Variants in DPY19L3 observed in about 807,000 individuals in gnomAD.
DPY19L3 encodes the protein dpy-19 like C-mannosyltransferase 3.
DPY19L3 carries 51 observed loss-of-function variants against 92.3 expected under a neutral mutation model. The observed-to-expected ratio is 0.55, with a 90% confidence interval of 0.44 to 0.70. DPY19L3 has a LOEUF of 0.70. Ranked by LOEUF, DPY19L3 falls within the 30% of genes least tolerant of loss-of-function variation. DPY19L3 has a pLI of 0.00. For missense variants in DPY19L3, 706 were observed against 855.9 expected (o/e 0.82, Z 2.18); for synonymous variants, 309 against 315.2 (o/e 0.98, Z 0.21).
intron 8 of DPY19L3, among the ~76,000 whole-genome samples, chr19:32,447,787 A>G (rs1969555422): frequency 7.3e-6 from 1 of 136,142 alleles, no homozygotes; most frequent in Admixed American, 7.3e-5. Context: ...ATTAGATAAG[A>G]TACTCCATCT....
rs1324884338 is a variant in DPY19L3 at position 32,419,992 on chromosome 19, T to C, written c.237+8620T>C. On this transcript the variant is annotated intron_variant, in intron 3 of 18. Transcript: ENST00000392250. ...CTCCTGCCTCAGCCTCCCGAGTAAC[T>C]GGGATTACAGGCAGGCACCACCACG... 9.3e-5 allele frequency among the ~76,000 whole-genome samples: 14 copies of C among 151,088 alleles called. 1 individual carries two copies. The highest frequency in any genetic ancestry group is 9.2e-4 in the Admixed American group (14 of 15,140).
At chr19:32,465,469 CCTCT>C (rs1970172566) in intron 15 of DPY19L3, among the ~76,000 whole-genome samples, 1 of 152,104 alleles carries the variant, frequency 6.6e-6, no homozygotes, top group Non-Finnish European at 1.5e-5. Context: ...GAGCTTCTGC[CCTCT>C]CTTTTTAAAG....
chr19:32,437,044 C>T (rs970179694), intron 5 of DPY19L3, 150 bp from the exon 6 acceptor site: 21 of 856,118 alleles, frequency 2.5e-5, no homozygotes, highest in Non-Finnish European at 3.3e-5. Context: ...GCTACCCGAA[C>T]GCTTCTCTAA....
chr19:32,440,273 T>A (rs1969282135), intron 8 of DPY19L3, among the ~76,000 whole-genome samples: 1 of 152,220 alleles, frequency 6.6e-6, no homozygotes, highest in South Asian at 2.1e-4. Flanking sequence ...AACAGCTTTT[T>A]TGTAGTACTT....
rs1282412483 is a variant in DPY19L3, at chr19:32,463,443, T to G, written c.1400T>G (p.Leu467Ter). 7 of 1,613,846 alleles carry G rather than the reference T, an allele frequency of 4.3e-6. No homozygotes were observed. The highest frequency in any genetic ancestry group is 1.1e-5 in the South Asian group (1 of 91,078). ...CTGAAACCAGAAACTGCCTACAACT[T>G]AATACATACCATTCTGTTTGGATTC... is the stretch of plus-strand genomic sequence containing the variant. ...VDLKPETAYN[L>*]IHTILFGFLA... The change falls in exon 13 of 19, where the codon TTA becomes TGA. Residue 467 changes from leucine to a stop codon, truncating the protein, a stop_gained. Transcript: ENST00000392250. LOFTEE classifies it high-confidence loss of function.
chr19:32,468,247 T>C, intron 15 of DPY19L3: 1 of 964,746 alleles, frequency 1.0e-6, no homozygotes, highest in Non-Finnish European at 1.2e-6. Flanking sequence ...CATGGGTTAT[T>C]GTGAGGATAA....
intron 16 of DPY19L3, among the ~76,000 whole-genome samples, chr19:32,474,976 A>T (rs1970462748): frequency 6.6e-6 from 1 of 152,164 alleles, no homozygotes. Flanking sequence ...TGAATAAAGA[A>T]CGTTATAACT....
intron 15 of DPY19L3, among the ~76,000 whole-genome samples, chr19:32,465,872 C>G (rs1443513093): frequency 2.6e-5 from 4 of 152,148 alleles, no homozygotes; most frequent in East Asian, 3.8e-4. Flanking sequence ...TTTTATTGCT[C>G]TAATGCGAAT....
At chr19:32,452,187 G>GAGGA (rs1969723168) in intron 8 of DPY19L3, among the ~76,000 whole-genome samples, 1 of 152,170 alleles carries the variant, frequency 6.6e-6, no homozygotes, top group Non-Finnish European at 1.5e-5. Context: ...TCAACTCTGT[G>GAGGA]AGGAAGGTAT....
At chr19:32,411,104 C>T (rs533170910) in intron 2 of DPY19L3, 135 bp from the exon 3 acceptor site, 3 of 820,676 alleles carry the variant, frequency 3.7e-6, no homozygotes, top group Admixed American at 3.0e-5. Flanking sequence ...TCAGAAAGGA[C>T]CCTCCGCTGG....
In DPY19L3 at chr19:32,463,915, G is replaced by A. The variant is rs746313565; in HGVS notation, c.1492G>A (p.Gly498Ser). The A allele has an allele frequency of 7.4e-6, 12 of 1,613,302 alleles. No individual in the cohort carries two copies. Among genetic ancestry groups the A allele is most frequent in the South Asian group, 1.1e-5 (1 of 91,022 alleles). The change falls in exon 14 of 19, where the codon GGC becomes AGC. Residue 498 changes from glycine (G) to serine (S), a missense_variant. Physicochemically the swap from Gly to Ser is moderately conservative, Grantham distance 56. Coordinates refer to ENST00000392250, the MANE Select transcript of DPY19L3 (RefSeq NM_001172774.2). ...TSHMCVFASFGLCSPEIWELL... is the reference protein window; with the variant it reads ...TSHMCVFASFSLCSPEIWELL... ...ACACATGTGTGTGTTCGCATCATTC[G>A]GCCTATGTAGCCCTGAAATATGGGA... is the stretch of plus-strand genomic sequence containing the variant.
chr19:32,475,718 C>T (rs1970486304), intron 16 of DPY19L3, among the ~76,000 whole-genome samples: 1 of 152,240 alleles, frequency 6.6e-6, no homozygotes, highest in African/African-American at 2.4e-5. Context: ...TGTGCACCTT[C>T]ACGTTTTCAT....
At chr19:32,468,320 A>G in intron 15 of DPY19L3, 1 of 990,040 alleles carries the variant, frequency 1.0e-6, no homozygotes. Context: ...TACAGGATAC[A>G]TTCTACTTTT....
At chr19:32,420,713 G>T (rs900563518) in intron 3 of DPY19L3, among the ~76,000 whole-genome samples, 1 of 152,158 alleles carries the variant, frequency 6.6e-6, no homozygotes, top group African/African-American at 2.4e-5. Context: ...GCCTCCCAAA[G>T]TGCTGGGATT....
At chr19:32,426,164 C>T (rs1301654188) in intron 3 of DPY19L3, among the ~76,000 whole-genome samples, 1 of 152,194 alleles carries the variant, frequency 6.6e-6, no homozygotes, top group Non-Finnish European at 1.5e-5. Context: ...CCTCATGAAC[C>T]AACCTCTGCT....
chr19:32,436,832 G>A (rs371129835), intron 5 of DPY19L3, among the ~76,000 whole-genome samples: 1 of 152,258 alleles, frequency 6.6e-6, no homozygotes, highest in East Asian at 1.9e-4. Context: ...TTTGCTCTCT[G>A]TAATCAGGAG....
chr19:32,466,734 A>C (rs1417782305), intron 15 of DPY19L3, among the ~76,000 whole-genome samples: 1 of 152,268 alleles, frequency 6.6e-6, no homozygotes, highest in African/African-American at 2.4e-5. Flanking sequence ...AATCCTCCAA[A>C]AGACTGTTGG....
chr19:32,429,287 G>T (rs1468886482), intron 3 of DPY19L3, among the ~76,000 whole-genome samples: 1 of 152,172 alleles, frequency 6.6e-6, no homozygotes, highest in Admixed American at 6.5e-5. Context: ...TGTTCGTTTT[G>T]CATTCTTTAG....
In DPY19L3 at chr19:32,484,590, C is replaced by T. The variant is rs996035531; in HGVS notation, c.*2350C>T. 3.9e-5 allele frequency: 6 copies of T among 152,194 alleles called. No homozygotes were observed. Among genetic ancestry groups the T allele is most frequent in the African/African-American group, 1.4e-4 (6 of 41,438 alleles). The allele number at this position is 152,194 out of a possible 1,614,324, so 9.4% of individuals were successfully genotyped here. A position where few individuals can be genotyped will look rare whatever the true frequency, so the allele number is the denominator to read the frequency against. On this transcript the variant is annotated 3_prime_UTR_variant, in exon 19 of 19. Coordinates refer to ENST00000392250, the MANE Select transcript of DPY19L3 (RefSeq NM_001172774.2). ...GTACAATAGAAGTGCTCTTAACGGA[C>T]TCTGCCTGTGTGACTCCCAGGCCCC...
Sources: allele counts gnomAD v4.1 joint callset (sites outside exome capture counted in the v4.1 genomes callset), GRCh38; gene constraint gnomAD v4.1.1; transcripts MANE v1.5; gene names NCBI Gene and HGNC (gene_info 2026-07-23, HGNC 2026-07-21).